The following KIAA0319 variants were observed in gnomAD, a reference collection of about 807,000 sequenced individuals.
KIAA0319 encodes the protein dyslexia-associated protein KIAA0319.
KIAA0319 carries 83 observed loss-of-function variants against 108.4 expected under a neutral mutation model. That is an observed-to-expected ratio of 0.77 (90% CI 0.64 to 0.92). The LOEUF is 0.92. Among genes scored for constraint, KIAA0319 ranks in the 40% least tolerant of loss-of-function variants. KIAA0319 has a pLI of 0.00. For missense variants in KIAA0319, 1,195 were observed against 1,322.4 expected (o/e 0.90, Z 1.49); for synonymous variants, 484 against 510.4 (o/e 0.95, Z 0.70).
rs1280594494 is a variant in KIAA0319, at chr6:24,596,184, C to G, written c.490G>C (p.Glu164Gln). ...CCACTGGGTTGCAAGAGGTCCTTCT[C>G]CAGCTCCCGGTAGTCATCTGAGTAC... ...SEYSDDYRELEKDLLQPSGKQ... is the reference protein window; with the variant it reads ...SEYSDDYRELQKDLLQPSGKQ... Residue 164 changes from glutamate (E) to glutamine (Q), a missense_variant, in exon 3 of 21, where the codon GAG becomes CAG. Coordinates refer to ENST00000378214, the MANE Select transcript of KIAA0319 (RefSeq NM_014809.4). The G allele has an allele frequency of 6.2e-7, 1 of 1,614,066 alleles. No individual in the cohort carries two copies. The highest frequency in any genetic ancestry group is 8.5e-7 in the Non-Finnish European group (1 of 1,180,058).
chr6:24,557,304 C>T (rs1189622975), intron 17 of KIAA0319, among the ~76,000 whole-genome samples: 3 of 152,074 alleles, frequency 2.0e-5, no homozygotes, highest in African/African-American at 7.2e-5. Flanking sequence ...GAGTTTGAGA[C>T]CAGCCTGGCC....
chr6:24,610,320 G>T (rs1271760066), intron 1 of KIAA0319, among the ~76,000 whole-genome samples: 2 of 152,118 alleles, frequency 1.3e-5, no homozygotes, highest in East Asian at 3.8e-4. Context: ...TTGCTAATAA[G>T]CTCATGAAAA....
At chr6:24,564,849 G>A (rs1763671303) in intron 14 of KIAA0319, among the ~76,000 whole-genome samples, 1 of 152,132 alleles carries the variant, frequency 6.6e-6, no homozygotes, top group Non-Finnish European at 1.5e-5. Context: ...CTAATAGAAG[G>A]GGTGATAACG....
intron 1 of KIAA0319, among the ~76,000 whole-genome samples, chr6:24,608,019 C>T (rs951965397): frequency 2.6e-5 from 4 of 152,026 alleles, no homozygotes; most frequent in Middle Eastern, 3.2e-3. Flanking sequence ...ATATCCACAT[C>T]GCTTCAAATT....
intron 20 of KIAA0319, among the ~76,000 whole-genome samples, chr6:24,548,681 T>G (rs573049033): frequency 6.6e-6 from 1 of 152,190 alleles, no homozygotes; most frequent in Admixed American, 6.5e-5. Flanking sequence ...CCGGGAATAT[T>G]TAGAAAAAAA....
At chr6:24,604,556 T>C (rs1771131464) in intron 1 of KIAA0319, among the ~76,000 whole-genome samples, 1 of 152,214 alleles carries the variant, frequency 6.6e-6, no homozygotes. Context: ...CCCAATCCCA[T>C]GCCCCTTTGG....
In KIAA0319 at chr6:24,562,055, C is replaced by T. The variant is rs565001793; in HGVS notation, c.2591+1304G>A. ...ATTTCGCCATTGCCCAGGTTGGTCT[C>T]GAACTCCTGGGTTCAAGCTATCTGC... On this transcript the variant is annotated intron_variant, in intron 16 of 20. Transcript: ENST00000378214. Among the ~76,000 whole-genome samples the T allele has an allele frequency of 5.4e-4, 82 of 152,104 alleles. 1 individual carries two copies. Among genetic ancestry groups the T allele is most frequent in the Non-Finnish European group, 4.4e-4 (30 of 68,014 alleles).
chr6:24,542,830 A>G (rs1760253048), downstream of KIAA0319, among the ~76,000 whole-genome samples: 1 of 151,974 alleles, frequency 6.6e-6, no homozygotes, highest in Admixed American at 6.6e-5. Flanking sequence ...GTTCACCTGA[A>G]CCAGTCAATC....
At chr6:24,540,700 C>T (rs112967288), downstream of KIAA0319, among the ~76,000 whole-genome samples, 118 of 148,692 alleles carry the variant, frequency 7.9e-4, no homozygotes, top group African/African-American at 2.4e-3. Context: ...AATGGAAATG[C>T]TTATTTTACT....
intron 2 of KIAA0319, chr6:24,600,485 G>A (rs926084370): frequency 6.3e-6 from 4 of 635,878 alleles, no homozygotes; most frequent in Non-Finnish European, 1.1e-5. Flanking sequence ...GAGGTCTGGA[G>A]TGTGGCATGA....
chr6:24,614,497 T>C (rs1772863009), intron 1 of KIAA0319, among the ~76,000 whole-genome samples: 1 of 152,152 alleles, frequency 6.6e-6, no homozygotes, highest in African/African-American at 2.4e-5. Context: ...TTGTAAAAAC[T>C]ACCATTCATT....
At chr6:24,589,876 A>AACT (rs377335281) in intron 3 of KIAA0319, among the ~76,000 whole-genome samples, 4 of 151,922 alleles carry the variant, frequency 2.6e-5, no homozygotes, top group African/African-American at 9.7e-5. Flanking sequence ...TATAACCGAT[A>AACT]AAGTTACAGA....
intron 1 of KIAA0319, among the ~76,000 whole-genome samples, chr6:24,612,025 G>A (rs889663137): frequency 2.7e-5 from 4 of 149,754 alleles, no homozygotes; most frequent in African/African-American, 9.9e-5. Flanking sequence ...TCCAGCCTGG[G>A]TGATAGAGTG....
intron 1 of KIAA0319, among the ~76,000 whole-genome samples, chr6:24,614,308 G>A (rs1045332790): frequency 2.6e-5 from 4 of 151,884 alleles, no homozygotes; most frequent in Non-Finnish European, 4.4e-5. Flanking sequence ...CCTCCCAGTC[G>A]CCCAGTGCTC....
At position 24,569,911 on chromosome 6, in the gene KIAA0319, C is replaced by A. The variant is rs1396066256; in HGVS notation, c.1983G>T (p.Glu661Asp). 9.3e-6 allele frequency: 15 copies of A among 1,614,078 alleles called. No individual in the cohort carries two copies. The highest frequency in any genetic ancestry group is 1.3e-5 in the Non-Finnish European group (15 of 1,179,930). Residue 661 changes from glutamate (E) to aspartate (D), a missense_variant, in exon 12 of 21, where the codon GAG becomes GAT. Coordinates refer to ENST00000378214, the MANE Select transcript of KIAA0319 (RefSeq NM_014809.4). ...DDHGIVFYHW[E>D]HVRGPSAVEM... ...GTGGCGAGACAGACTACCTGACGTG[C>A]TCCCAGTGGTAGAAGACAATGCCGT...
chr6:24,591,933 T>C (rs140583780), intron 3 of KIAA0319, among the ~76,000 whole-genome samples: 41 of 152,344 alleles, frequency 2.7e-4, no homozygotes, highest in Admixed American at 5.2e-4. Flanking sequence ...ATATATTCAG[T>C]ATACAATATT....
chr6:24,630,683 GTATA>G (rs563881076), intron 1 of KIAA0319, among the ~76,000 whole-genome samples: 2 of 100,684 alleles, frequency 2.0e-5, no homozygotes, highest in Non-Finnish European at 2.6e-5. Flanking sequence ...GTGTATATGT[GTATA>G]TATATATATA....
intron 4 of KIAA0319, 113 bp downstream of exon 4, chr6:24,588,480 T>C (rs754610943): frequency 5.9e-6 from 5 of 846,186 alleles, no homozygotes; most frequent in African/African-American, 3.3e-5. Context: ...TGGCACATGA[T>C]AGATGCTGAA....
rs1449466474 is a variant in KIAA0319 at position 24,559,164 on chromosome 6, G to A, written c.2592-9C>T. The A allele has an allele frequency of 6.2e-7, 1 of 1,611,232 alleles. No homozygotes were observed. The highest frequency in any genetic ancestry group is 1.7e-5 in the Admixed American group (1 of 59,764). On this transcript the variant is annotated splice_polypyrimidine_tract_variant and intron_variant, in intron 16 of 20. Coordinates refer to ENST00000378214, the MANE Select transcript of KIAA0319 (RefSeq NM_014809.4). ...AAAACACAATCACGGTGCTGTGGAG[G>A]AGACAATGAGAGAGGACAGCCACAT... is the stretch of plus-strand genomic sequence containing the variant.
Sources: allele counts gnomAD v4.1 joint callset (sites outside exome capture counted in the v4.1 genomes callset), GRCh38; gene constraint gnomAD v4.1.1; transcripts MANE v1.5; gene names NCBI Gene and HGNC (gene_info 2026-07-23, HGNC 2026-07-21).